The following ERICH1 variants were observed in gnomAD, a reference collection of about 807,000 sequenced individuals.
ERICH1 encodes the protein glutamate-rich protein 1.
ERICH1 carries 56 observed loss-of-function variants against 39.6 expected under a neutral mutation model. That is an observed-to-expected ratio of 1.41 (90% CI 1.14 to 1.77). ERICH1 has a LOEUF of 1.77. ERICH1 is among the 40% of genes most tolerant of loss of function. ERICH1 has a pLI of 0.00. For synonymous variants in ERICH1, 313 were observed against 223.6 expected (o/e 1.40, Z -3.57); for missense variants, 826 against 575.4 (o/e 1.44, Z -4.45).
chr8:665,626 T>C (rs1203492693), intron 5 of ERICH1, among the ~76,000 whole-genome samples: 1 of 152,262 alleles, frequency 6.6e-6, no homozygotes, highest in Non-Finnish European at 1.5e-5. Context: ...TCGGAAATCC[T>C]CAGCCCTTCT....
chr8:701,116 C>G (rs1406041625), intron 2 of ERICH1, among the ~76,000 whole-genome samples: 1 of 104,254 alleles, frequency 9.6e-6, no homozygotes, highest in African/African-American at 3.2e-5. Context: ...ACACACATGG[C>G]CAAGGGCCAA....
intron 3 of ERICH1, among the ~76,000 whole-genome samples, chr8:647,854 C>CT (rs1799555006): frequency 3.0e-5 from 2 of 67,706 alleles, no homozygotes; most frequent in South Asian, 1.1e-3. Context: ...CAGCTGGACT[C>CT]TGAGTCTTTC....
intron 3 of ERICH1, among the ~76,000 whole-genome samples, chr8:627,946 G>T (rs1009754447): frequency 6.6e-6 from 1 of 152,178 alleles, no homozygotes; most frequent in African/African-American, 2.4e-5. Context: ...AGGGGCCGGG[G>T]GGGCCTGGAA....
rs756000255 is a variant in ERICH1 at position 692,626 on chromosome 8, G to A, written c.170-14C>T. 8.3e-6 allele frequency: 13 copies of A among 1,561,216 alleles called. No individual in the cohort carries two copies. Among genetic ancestry groups the A allele is most frequent in the Non-Finnish European group, 1.0e-5 (12 of 1,152,682 alleles). The stretch of plus-strand genomic sequence containing the variant: ...CAGAGCCAGTGTCTGCAACACAGGA[G>A]GAAAATAACAGGAACTGGTAAATAT... On this transcript the variant is annotated splice_polypyrimidine_tract_variant and intron_variant, in intron 2 of 5. Transcript: ENST00000262109.
chr8:656,649 G>T, intron 3 of ERICH1: 1 of 722,744 alleles, frequency 1.4e-6, no homozygotes, highest in Non-Finnish European at 1.7e-6. Context: ...TCTGACAAGT[G>T]TGGAATTTTG....
intron 3 of ERICH1, among the ~76,000 whole-genome samples, chr8:636,124 G>T (rs1221525036): frequency 1.3e-5 from 2 of 152,226 alleles, no homozygotes; most frequent in African/African-American, 4.8e-5. Flanking sequence ...TCAGCCTGGG[G>T]CTAATGTCTG....
chr8:639,968 A>G (rs1481319500), intron 3 of ERICH1, among the ~76,000 whole-genome samples: 1 of 152,214 alleles, frequency 6.6e-6, no homozygotes, highest in Non-Finnish European at 1.5e-5. Context: ...AGAGACAAAG[A>G]AGAATAATGC....
intron 2 of ERICH1, among the ~76,000 whole-genome samples, chr8:710,059 C>A (rs993017574): frequency 6.6e-6 from 1 of 152,194 alleles, no homozygotes; most frequent in East Asian, 1.9e-4. Flanking sequence ...CATAACAGTG[C>A]ACATGCTCCC....
intron 1 of ERICH1, among the ~76,000 whole-genome samples, chr8:719,620 T>G (rs1452353243): frequency 6.6e-6 from 1 of 152,242 alleles, no homozygotes; most frequent in African/African-American, 2.4e-5. Flanking sequence ...CCACTAATTC[T>G]GGCATCCGCT....
chr8:614,900 T>C (rs1240021959), exon 4 of ERICH1: 4 of 242,216 alleles, frequency 1.7e-5, no homozygotes, highest in South Asian at 1.7e-4. Context: ...GGTTCCTCAG[T>C]TGCATGACAC....
intron 1 of ERICH1, among the ~76,000 whole-genome samples, chr8:719,274 C>T (rs775255998): frequency 6.6e-6 from 1 of 152,248 alleles, no homozygotes; most frequent in African/African-American, 2.4e-5. Flanking sequence ...AGGCTCCGAT[C>T]CTGCCCCATC....
In ERICH1 at chr8:674,031, G is replaced by C. The variant is rs1804087355; in HGVS notation, c.321C>G (p.Asp107Glu). ...GDDTEDQDPH[D>E]QPKRRRIRKH... ...TCCTAATTCTTCTTCTCTTTGGCTG[G>C]TCATGAGGATCCTGATCTGTTAAAA... The change falls in exon 4 of 6, where the codon GAC (aspartate) becomes GAG (glutamate). Residue 107 changes from aspartate to glutamate, a missense_variant. Physicochemically the swap from Asp to Glu is conservative, Grantham distance 45. Transcript: ENST00000262109. 3.2e-6 allele frequency: 5 copies of C among 1,560,936 alleles called. No homozygotes were observed. Among genetic ancestry groups the C allele is most frequent in the Non-Finnish European group, 3.4e-6 (4 of 1,167,392 alleles).
chr8:654,737 A>G (rs1800399386), intron 3 of ERICH1, among the ~76,000 whole-genome samples: 1 of 152,032 alleles, frequency 6.6e-6, no homozygotes, highest in Admixed American at 6.5e-5. Flanking sequence ...ATGTCCCCAC[A>G]AGGACTTGGG....
chr8:628,651 C>T (rs1032224186), intron 3 of ERICH1, among the ~76,000 whole-genome samples: 6 of 152,194 alleles, frequency 3.9e-5, no homozygotes, highest in South Asian at 2.1e-4. Context: ...CCTCAGGATG[C>T]GGGTTCGCAA....
At chr8:729,906 A>C (rs531257871) in intron 1 of ERICH1, among the ~76,000 whole-genome samples, 2 of 152,182 alleles carry the variant, frequency 1.3e-5, no homozygotes, top group Admixed American at 6.5e-5. Context: ...AAGAGTGCAA[A>C]CATTTGAAGG....
intron 3 of ERICH1, among the ~76,000 whole-genome samples, chr8:637,763 G>T (rs965566386): frequency 6.6e-6 from 1 of 152,224 alleles, no homozygotes; most frequent in Admixed American, 6.5e-5. Flanking sequence ...AGAAGCCACG[G>T]CTGCTCAGTT....
intron 3 of ERICH1, among the ~76,000 whole-genome samples, chr8:629,159 G>A (rs1024575961): frequency 6.6e-6 from 1 of 152,140 alleles, no homozygotes; most frequent in Non-Finnish European, 1.5e-5. Context: ...CTGAGCACAC[G>A]TGATCATACG....
intron 3 of ERICH1, 31 bp downstream of exon 3, chr8:692,447 T>A (rs369983024): frequency 6.2e-7 from 1 of 1,613,884 alleles, no homozygotes; most frequent in East Asian, 2.2e-5. Flanking sequence ...TCTGCAAAGA[T>A]GTCTACCTTT....
chr8:660,517 G>A (rs1200686955), downstream of ERICH1, among the ~76,000 whole-genome samples: 1 of 152,222 alleles, frequency 6.6e-6, no homozygotes, highest in Non-Finnish European at 1.5e-5. Flanking sequence ...ACAGCATTCT[G>A]CTGGCGGCCC....
Sources: gnomAD v4.1 joint callset for allele counts (sites outside exome capture counted in the v4.1 genomes callset) on GRCh38, gnomAD v4.1.1 for gene constraint, MANE v1.5 for transcripts, NCBI Gene and HGNC (gene_info 2026-07-23, HGNC 2026-07-21) for gene names.